NELL2: variants seen among roughly 807,000 people sequenced by gnomAD.
NELL2 encodes protein kinase C-binding protein NELL2.
In NELL2, 41 loss-of-function variants were observed where a neutral mutation model predicts 109.6. The observed-to-expected ratio is 0.37, with a 90% CI of 0.29 to 0.49. The LOEUF is 0.49. Among genes scored for constraint, NELL2 ranks in the 20% least tolerant of loss-of-function variants. The pLI is 0.98. For missense variants in NELL2, 900 were observed against 1,008.3 expected, an observed-to-expected ratio of 0.89 and a Z score of 1.45; for synonymous variants, 355 against 344.7, an observed-to-expected ratio of 1.03 and a Z score of -0.33.
chr12:44,558,614 C>G (rs1943345243), intron 15 of NELL2, among the ~76,000 whole-genome samples: 1 of 152,168 alleles, frequency 6.6e-6, no homozygotes, highest in South Asian at 2.1e-4. Flanking sequence ...CTGTGAGGGA[C>G]TGTGCCATGA....
chr12:44,835,402 G>A (rs753349510), intron 2 of NELL2, among the ~76,000 whole-genome samples: 15 of 152,158 alleles, frequency 9.9e-5, no homozygotes, highest in Non-Finnish European at 1.6e-4. Context: ...GAGCAGAAAC[G>A]GTGCAGCAGG....
intron 13 of NELL2, among the ~76,000 whole-genome samples, chr12:44,640,751 T>C (rs986417125): frequency 6.6e-6 from 1 of 152,180 alleles, no homozygotes; most frequent in African/African-American, 2.4e-5. Context: ...ATACAATCTA[T>C]AATATCACAT....
chr12:44,897,437 CTAGT>C (rs1330144715), intron 1 of NELL2, among the ~76,000 whole-genome samples: 5 of 152,050 alleles, frequency 3.3e-5, no homozygotes, highest in Non-Finnish European at 5.9e-5. Flanking sequence ...CTCATTGGGA[CTAGT>C]TAGACAGTGA....
intron 13 of NELL2, among the ~76,000 whole-genome samples, chr12:44,648,900 T>TCG (rs1947198009): frequency 9.3e-6 from 1 of 107,148 alleles, no homozygotes; most frequent in Admixed American, 9.9e-5. Context: ...CACGCCCAGC[T>TCG]TGTGTGTGTG....
intron 13 of NELL2, among the ~76,000 whole-genome samples, chr12:44,645,143 G>A (rs767235075): frequency 5.3e-5 from 8 of 152,086 alleles, no homozygotes; most frequent in East Asian, 1.9e-4. Context: ...AGGTCAATGC[G>A]ACTAAATATG....
intron 15 of NELL2, among the ~76,000 whole-genome samples, chr12:44,554,531 G>A (rs1943165441): frequency 6.6e-6 from 1 of 152,142 alleles, no homozygotes; most frequent in African/African-American, 2.4e-5. Flanking sequence ...TAGTTTGATT[G>A]TGATGATGAT....
intron 15 of NELL2, among the ~76,000 whole-genome samples, chr12:44,599,960 G>GTTTTT (rs35401385): frequency 5.4e-5 from 6 of 111,268 alleles, no homozygotes; most frequent in Non-Finnish European, 5.4e-5. Context: ...CTAGAATTCC[G>GTTTTT]TTTTTTTTTT....
intron 15 of NELL2, among the ~76,000 whole-genome samples, chr12:44,573,234 A>G (rs147777367): frequency 6.6e-6 from 1 of 152,318 alleles, no homozygotes; most frequent in East Asian, 1.9e-4. Context: ...TCAAACCACA[A>G]CTGTGGAGGG....
chr12:44,521,301 C>T (rs1000992850), intron 18 of NELL2, among the ~76,000 whole-genome samples: 16 of 152,068 alleles, frequency 1.1e-4, no homozygotes, highest in South Asian at 8.3e-4. Context: ...GAGGCCGAGG[C>T]GGGCGGATCA....
At chr12:44,727,826 T>C (rs372456575) in intron 9 of NELL2, among the ~76,000 whole-genome samples, 16 of 152,076 alleles carry the variant, frequency 1.1e-4, no homozygotes, top group East Asian at 3.9e-4. Context: ...TTGCCAAAAT[T>C]AACCTTCTCA....
chr12:44,565,960 TC>T (rs1186476033), intron 15 of NELL2, among the ~76,000 whole-genome samples: 2 of 152,046 alleles, frequency 1.3e-5, no homozygotes, highest in Non-Finnish European at 2.9e-5. Flanking sequence ...TAGTGATTGG[TC>T]TCCTCTGAAT....
chr12:44,680,990 A>T (rs887174591), intron 12 of NELL2, among the ~76,000 whole-genome samples: 1 of 151,770 alleles, frequency 6.6e-6, no homozygotes, highest in Non-Finnish European at 1.5e-5. Flanking sequence ...TCAAAGCTAA[A>T]CTTATTTTCT....
intron 9 of NELL2, among the ~76,000 whole-genome samples, chr12:44,767,723 T>C (rs774965469): frequency 6.6e-6 from 1 of 152,098 alleles, no homozygotes; most frequent in African/African-American, 2.4e-5. Flanking sequence ...ATCTCCAATA[T>C]ATGTTATTAA....
At chr12:44,631,973 T>A (rs756762298) in intron 13 of NELL2, among the ~76,000 whole-genome samples, 3 of 152,110 alleles carry the variant, frequency 2.0e-5, no homozygotes, top group Non-Finnish European at 4.4e-5. Context: ...GGATCATACA[T>A]CCTATCTAAG....
intron 15 of NELL2, among the ~76,000 whole-genome samples, chr12:44,536,608 G>T (rs1303067536): frequency 6.6e-6 from 1 of 151,942 alleles, no homozygotes; most frequent in Non-Finnish European, 1.5e-5. Flanking sequence ...AATATAGGCT[G>T]TATAAGCTTA....
At chr12:44,849,595 T>C (rs944919727) in intron 2 of NELL2, among the ~76,000 whole-genome samples, 7 of 152,190 alleles carry the variant, frequency 4.6e-5, no homozygotes, top group Admixed American at 1.3e-4. Context: ...GTTTGGAAGT[T>C]TCTTAAAAAG....
At chr12:44,813,144 G>A (rs1943233414) in intron 3 of NELL2, among the ~76,000 whole-genome samples, 1 of 152,114 alleles carries the variant, frequency 6.6e-6, no homozygotes, top group Non-Finnish European at 1.5e-5. Context: ...AGCAATGAGT[G>A]GCAGAGCTAT....
intron 11 of NELL2, among the ~76,000 whole-genome samples, chr12:44,710,675 C>G (rs947719118): frequency 1.6e-4 from 25 of 152,172 alleles, no homozygotes; most frequent in Admixed American, 9.8e-4. Flanking sequence ...TTGAATAGCA[C>G]AAATTTTAGT....
At chr12:44,617,745 G>GATGAA (rs1945890755) in intron 13 of NELL2, among the ~76,000 whole-genome samples, 2 of 149,032 alleles carry the variant, frequency 1.3e-5, no homozygotes, top group Non-Finnish European at 3.0e-5. Context: ...AAATTTAAAG[G>GATGAA]ATGAAAGTAA....
Sources: gnomAD v4.1 joint callset for allele counts (sites outside exome capture counted in the v4.1 genomes callset) on GRCh38, gnomAD v4.1.1 for gene constraint, MANE v1.5 for transcripts, NCBI Gene and HGNC (gene_info 2026-07-23, HGNC 2026-07-21) for gene names.